Variants in PBX3 observed in about 807,000 individuals in gnomAD.
PBX3 encodes pre-B-cell leukemia transcription factor 3.
PBX3 carries 14 observed loss-of-function variants against 48.5 expected under a neutral mutation model. The ratio of observed to expected loss-of-function variants is 0.29; its 90% CI spans 0.19 to 0.45. PBX3 has a LOEUF of 0.45. PBX3 is among the 20% of genes least tolerant of loss of function. The pLI, the probability that PBX3 is intolerant of heterozygous loss-of-function variation, is 1.00. For missense variants in PBX3, 386 were observed against 546.7 expected (o/e 0.71, Z 2.93); for synonymous variants, 210 against 200.3 (o/e 1.05, Z -0.41).
intron 2 of PBX3, among the ~76,000 whole-genome samples, chr9:125,762,143 T>G (rs1271154495): frequency 6.6e-6 from 1 of 152,200 alleles, no homozygotes; most frequent in East Asian, 1.9e-4. Flanking sequence ...GAGTGCTACT[T>G]TACGTACATT....
At chr9:125,904,619 A>G (rs977042374) in intron 2 of PBX3, among the ~76,000 whole-genome samples, 8 of 151,928 alleles carry the variant, frequency 5.3e-5, no homozygotes, top group African/African-American at 1.9e-4. Flanking sequence ...CTTCCACTTC[A>G]GTGATGAGAG....
intron 2 of PBX3, among the ~76,000 whole-genome samples, chr9:125,841,800 C>A (rs1839296632): frequency 6.6e-6 from 1 of 152,134 alleles, no homozygotes; most frequent in Non-Finnish European, 1.5e-5. Flanking sequence ...CTTAACTGTT[C>A]TGGATGTTGG....
intron 2 of PBX3, among the ~76,000 whole-genome samples, chr9:125,905,634 T>A (rs1841052821): frequency 6.6e-6 from 1 of 152,046 alleles, no homozygotes; most frequent in African/African-American, 2.4e-5. Flanking sequence ...TATGCTTTTA[T>A]TTATTCATCA....
chr9:125,850,073 T>G (rs1839537376), intron 2 of PBX3, among the ~76,000 whole-genome samples: 1 of 152,068 alleles, frequency 6.6e-6, no homozygotes, highest in Non-Finnish European at 1.5e-5. Context: ...TATATTTAGA[T>G]GAACCACTTA....
intron 5 of PBX3, among the ~76,000 whole-genome samples, chr9:125,953,668 A>G (rs983379082): frequency 6.6e-6 from 1 of 152,198 alleles, no homozygotes; most frequent in Admixed American, 6.5e-5. Flanking sequence ...TCTGAACTTA[A>G]AAGATTCTAT....
chr9:125,769,763 T>C (rs546921902), intron 2 of PBX3, among the ~76,000 whole-genome samples: 1 of 152,306 alleles, frequency 6.6e-6, no homozygotes, highest in African/African-American at 2.4e-5. Context: ...ACAGAACTAG[T>C]GTAAGCTTCC....
At chr9:125,771,746 A>G (rs1369126202) in intron 2 of PBX3, among the ~76,000 whole-genome samples, 1 of 152,066 alleles carries the variant, frequency 6.6e-6, no homozygotes, top group Non-Finnish European at 1.5e-5. Flanking sequence ...TGATAATTTT[A>G]TTTTCTCATT....
intron 2 of PBX3, among the ~76,000 whole-genome samples, chr9:125,876,269 T>C (rs1027961974): frequency 6.6e-6 from 1 of 152,248 alleles, no homozygotes; most frequent in Admixed American, 6.5e-5. Flanking sequence ...TTAAAGAATA[T>C]AACAATATTA....
intron 2 of PBX3, among the ~76,000 whole-genome samples, chr9:125,866,009 A>G (rs1289460342): frequency 1.4e-5 from 2 of 143,210 alleles, no homozygotes; most frequent in Non-Finnish European, 1.5e-5. Context: ...TTTTTGGATT[A>G]TAAAAGAGTC....
chr9:125,814,295 C>T (rs1838393877), intron 2 of PBX3, among the ~76,000 whole-genome samples: 1 of 149,448 alleles, frequency 6.7e-6, no homozygotes. Context: ...AAGTTACTAC[C>T]CTTGTTAACT....
intron 2 of PBX3, among the ~76,000 whole-genome samples, chr9:125,856,162 C>T (rs973354956): frequency 2.6e-5 from 4 of 151,698 alleles, no homozygotes; most frequent in East Asian, 1.9e-4. Flanking sequence ...GTCATAAATA[C>T]GAACAATCTC....
intron 3 of PBX3, among the ~76,000 whole-genome samples, chr9:125,920,576 C>T (rs1487893130): frequency 2.0e-5 from 3 of 152,150 alleles, no homozygotes; most frequent in Non-Finnish European, 2.9e-5. Context: ...AGAAGAAATG[C>T]GTGTACACAG....
chr9:125,790,287 C>T (rs1837564506), intron 2 of PBX3, among the ~76,000 whole-genome samples: 1 of 151,134 alleles, frequency 6.6e-6, no homozygotes, highest in Non-Finnish European at 1.5e-5. Context: ...CAGTCTTGCT[C>T]TGTCACCCAG....
At chr9:125,853,062 G>A (rs1839626579) in intron 2 of PBX3, among the ~76,000 whole-genome samples, 2 of 151,920 alleles carry the variant, frequency 1.3e-5, no homozygotes, top group Non-Finnish European at 2.9e-5. Flanking sequence ...GGACTGTCCA[G>A]TGGAGTCAGT....
intron 2 of PBX3, among the ~76,000 whole-genome samples, chr9:125,795,003 C>T (rs75759301): frequency 2.0e-5 from 3 of 152,206 alleles, no homozygotes; most frequent in Admixed American, 1.3e-4. Context: ...CTCCGGCAGA[C>T]CAGCCTTTTA....
chr9:125,934,064 A>G (rs935100242), intron 4 of PBX3, among the ~76,000 whole-genome samples: 1 of 152,050 alleles, frequency 6.6e-6, no homozygotes, highest in Non-Finnish European at 1.5e-5. Flanking sequence ...TCATCATCAA[A>G]TCCTGTTGAT....
rs1010367449 is a variant in PBX3, at chr9:125,762,908, AT to A, written c.274+14295del. On this transcript the variant is annotated intron_variant, in intron 2 of 8. Transcript: ENST00000373489. ...ATATTAATTAAACTCACTTGAGCAG[AT>A]TTTTTTTTTGGACTTAGAGGTAACC... is the stretch of plus-strand genomic sequence containing the variant. Among the ~76,000 whole-genome samples, 10 of 150,342 alleles carry A rather than the reference AT, an allele frequency of 6.7e-5. No homozygotes were observed. The East Asian group carries it at 7.8e-4, about 12-fold the overall frequency.
chr9:125,832,989 G>A (rs10986965), intron 2 of PBX3, among the ~76,000 whole-genome samples: 108,288 of 152,048 alleles, frequency 0.71, 39,095 homozygotes, highest in African/African-American at 0.81. Flanking sequence ...AGACTTAAAA[G>A]TACCTACATT....
chr9:125,932,502 C>T (rs538899246), intron 4 of PBX3, among the ~76,000 whole-genome samples: 2 of 152,270 alleles, frequency 1.3e-5, no homozygotes, highest in Non-Finnish European at 2.9e-5. Flanking sequence ...ATGTTAGAGG[C>T]TACCAAAAAT....
Sources: gnomAD v4.1 joint callset for allele counts (sites outside exome capture counted in the v4.1 genomes callset) on GRCh38, gnomAD v4.1.1 for gene constraint, MANE v1.5 for transcripts, NCBI Gene and HGNC (gene_info 2026-07-23, HGNC 2026-07-21) for gene names.